PCDH11X: variants seen among roughly 807,000 people sequenced by gnomAD.
PCDH11X encodes the protein protocadherin 11 X-linked.
Under a neutral mutation model 53.3 loss-of-function variants are expected in PCDH11X, and 18 were observed. The ratio of observed to expected loss-of-function variants is 0.34; its 90% CI spans 0.23 to 0.50. The LOEUF is 0.50. PCDH11X is among the 20% of genes least tolerant of loss of function. The pLI is 0.98. For synonymous variants in PCDH11X, 279 were observed against 393.3 expected (o/e 0.71, Z 3.44); for missense variants, 570 against 1,032.4 (o/e 0.55, Z 6.14).
chrX:92,604,386 T>C (rs1213780539), intron 10 of PCDH11X, among the ~76,000 whole-genome samples: 3 of 110,051 alleles, frequency 2.7e-5, no homozygotes, highest in African/African-American at 9.9e-5. Flanking sequence ...AAAACAACTA[T>C]GATAAATTAA....
At chrX:91,958,833 A>G (rs191474718) in intron 6 of PCDH11X, among the ~76,000 whole-genome samples, 1 of 107,955 alleles carries the variant, frequency 9.3e-6, no homozygotes, top group Non-Finnish European at 1.9e-5. Context: ...GTAAACTGTT[A>G]CTTGTTCTTC....
chrX:92,502,598 C>A (rs1199701572), intron 10 of PCDH11X, among the ~76,000 whole-genome samples: 4 of 109,960 alleles, frequency 3.6e-5, no homozygotes, highest in Admixed American at 2.0e-4. Flanking sequence ...ACAAACCTGA[C>A]AAAAACAAGC....
At chrX:91,922,629 C>T (rs918027408) in intron 6 of PCDH11X, among the ~76,000 whole-genome samples, 1 of 112,093 alleles carries the variant, frequency 8.9e-6, no homozygotes, top group Non-Finnish European at 1.9e-5. Flanking sequence ...GAGCATAAAC[C>T]CTATTGTGAA....
intron 6 of PCDH11X, among the ~76,000 whole-genome samples, chrX:91,969,799 A>C (rs2061923513): frequency 2.8e-5 from 3 of 107,752 alleles, no homozygotes; most frequent in South Asian, 8.1e-4. Context: ...TTGTCTCAAA[A>C]AAAAAAAAAA....
chrX:92,209,040 G>A (rs1603181030), intron 7 of PCDH11X, among the ~76,000 whole-genome samples: 1 of 111,095 alleles, frequency 9.0e-6, no homozygotes, highest in East Asian at 2.9e-4. Flanking sequence ...CTGTTCCCAT[G>A]ATTCAATCAC....
intron 7 of PCDH11X, among the ~76,000 whole-genome samples, chrX:92,212,495 C>A (rs1017070242): frequency 9.0e-6 from 1 of 111,265 alleles, no homozygotes; most frequent in South Asian, 3.8e-4. Flanking sequence ...GGACTACAGG[C>A]GTGTGCCACC....
chrX:92,084,879 A>C (rs1276438061), intron 6 of PCDH11X, among the ~76,000 whole-genome samples: 6 of 111,199 alleles, frequency 5.4e-5, no homozygotes, highest in Non-Finnish European at 7.5e-5. Context: ...ATACAGTCTG[A>C]GTCAATTATT....
intron 8 of PCDH11X, among the ~76,000 whole-genome samples, chrX:92,304,818 G>A (rs2068792594): frequency 1.8e-5 from 2 of 112,569 alleles, no homozygotes; most frequent in African/African-American, 6.4e-5. Context: ...TTTGCTCGAA[G>A]AGCAGTAAAA....
intron 7 of PCDH11X, among the ~76,000 whole-genome samples, chrX:92,249,951 C>T (rs1441488236): frequency 1.8e-5 from 2 of 110,988 alleles, no homozygotes; most frequent in Non-Finnish European, 3.8e-5. Context: ...GTCTTTTTTT[C>T]GGACTTTAAC....
chrX:91,993,729 G>A (rs934754054), intron 6 of PCDH11X, among the ~76,000 whole-genome samples: 3 of 111,408 alleles, frequency 2.7e-5, no homozygotes, highest in Non-Finnish European at 5.6e-5. Flanking sequence ...AAATCTGCAG[G>A]AAGACTGACA....
chrX:91,785,035 T>C (rs951172854), intron 1 of PCDH11X, among the ~76,000 whole-genome samples: 45 of 106,448 alleles, frequency 4.2e-4, no homozygotes, highest in African/African-American at 1.5e-3. Flanking sequence ...TTTCCTTTGG[T>C]TGTGGCTGGG....
At chrX:92,193,044 G>T (rs1355691612) in intron 6 of PCDH11X, among the ~76,000 whole-genome samples, 1 of 111,677 alleles carries the variant, frequency 9.0e-6, no homozygotes, top group South Asian at 3.7e-4. Context: ...TGGCCCCCAG[G>T]TTATACAATT....
intron 8 of PCDH11X, among the ~76,000 whole-genome samples, chrX:92,265,584 T>G (rs767958397): frequency 8.9e-6 from 1 of 112,214 alleles, no homozygotes; most frequent in Non-Finnish European, 1.9e-5. Flanking sequence ...TATACATATA[T>G]GTGTGTATGT....
intron 6 of PCDH11X, among the ~76,000 whole-genome samples, chrX:91,971,633 A>G (rs1413330313): frequency 1.8e-5 from 2 of 112,062 alleles, no homozygotes; most frequent in African/African-American, 6.5e-5. Context: ...GGCTTAATGC[A>G]TTAGTCTCTT....
At chrX:92,215,431 C>T (rs1181854459) in intron 7 of PCDH11X, among the ~76,000 whole-genome samples, 1 of 98,301 alleles carries the variant, frequency 1.0e-5, no homozygotes, top group Non-Finnish European at 2.1e-5. Flanking sequence ...GTCCTATGCC[C>T]ACGGAGTCTC....
chrX:92,117,643 T>C (rs752403330), intron 6 of PCDH11X, among the ~76,000 whole-genome samples: 2 of 111,524 alleles, frequency 1.8e-5, no homozygotes, highest in Admixed American at 1.9e-4. Context: ...TTTATTTCTA[T>C]AGCAGTAGAA....
At chrX:91,925,989 A>G (rs1329136208) in intron 6 of PCDH11X, among the ~76,000 whole-genome samples, 2 of 108,077 alleles carry the variant, frequency 1.9e-5, no homozygotes, top group Non-Finnish European at 3.8e-5. Flanking sequence ...TGAGACACTT[A>G]GAAGACTGAG....
At chrX:92,409,601 G>A (rs1040696139) in intron 9 of PCDH11X, among the ~76,000 whole-genome samples, 1 of 112,178 alleles carries the variant, frequency 8.9e-6, no homozygotes, top group African/African-American at 3.2e-5. Context: ...AAATGATAGA[G>A]CTATGAAATG....
chrX:92,446,420 C>G (rs140301436), intron 9 of PCDH11X, among the ~76,000 whole-genome samples: 1,401 of 110,871 alleles, frequency 0.013, 13 homozygotes, highest in Middle Eastern at 0.047. Context: ...GGAGGAGGAA[C>G]CTGGTGGGAG....
Sources: gnomAD v4.1 joint callset for allele counts (sites outside exome capture counted in the v4.1 genomes callset) on GRCh38, gnomAD v4.1.1 for gene constraint, MANE v1.5 for transcripts, NCBI Gene and HGNC (gene_info 2026-07-23, HGNC 2026-07-21) for gene names.